The following ZNF385B variants were observed in gnomAD, a reference collection of about 807,000 sequenced individuals.
ZNF385B encodes the protein zinc finger protein 385B.
A neutral mutation model predicts 39.2 loss-of-function variants in ZNF385B; 23 were observed. That is an observed-to-expected ratio of 0.59 (90% CI 0.42 to 0.83). The LOEUF is 0.83. Ranked by LOEUF, ZNF385B falls within the 40% of genes least tolerant of loss-of-function variation. The pLI, the probability that ZNF385B is intolerant of heterozygous loss-of-function variation, is 0.00. For missense variants in ZNF385B, 552 were observed against 598.9 expected (o/e 0.92, Z 0.82); for synonymous variants, 205 against 222.6 (o/e 0.92, Z 0.70).
chr2:179,461,328 G>C (rs1052512057), intron 6 of ZNF385B, among the ~76,000 whole-genome samples: 2 of 152,176 alleles, frequency 1.3e-5, no homozygotes, highest in African/African-American at 4.8e-5. Flanking sequence ...GAGGAGATCA[G>C]TCAAGAAACG....
rs551597802 is a variant in ZNF385B at position 179,618,833 on chromosome 2, A to G, written c.299-73864T>C. Among the ~76,000 whole-genome samples, 453 of 152,280 alleles carry G rather than the reference A, an allele frequency of 3.0e-3. 2 individuals carry two copies. The highest frequency in any genetic ancestry group is 0.01 in the African/African-American group (434 of 41,564). On this transcript the variant is annotated intron_variant, in intron 3 of 9. Coordinates refer to ENST00000410066, the MANE Select transcript of ZNF385B (RefSeq NM_152520.6). Reference sequence around the variant, plus strand: ...AGGTACCTCAAAAGTTCTTGGCTTCAGCAGCCCCCAGATCCTAAGCTTAAA... The same window carrying G: ...AGGTACCTCAAAAGTTCTTGGCTTCGGCAGCCCCCAGATCCTAAGCTTAAA...
In ZNF385B at chr2:179,832,143, T is replaced by C. The variant is rs537140245; in HGVS notation, c.-155+28958A>G. 2.5e-4 allele frequency among the ~76,000 whole-genome samples: 38 copies of C among 152,198 alleles called. 1 individual carries two copies. In the South Asian group the frequency reaches 7.7e-3, roughly 31 times the overall value. ...TGTGTCAGGATTAGGAAGATGAGAGTTGGACAAGTCTGGCCTTTTGCTATA... is the reference window on the plus strand; with the variant it reads ...TGTGTCAGGATTAGGAAGATGAGAGCTGGACAAGTCTGGCCTTTTGCTATA... On this transcript the variant is annotated intron_variant, in intron 1 of 9. Coordinates refer to ENST00000410066, the MANE Select transcript of ZNF385B (RefSeq NM_152520.6).
intron 6 of ZNF385B, among the ~76,000 whole-genome samples, chr2:179,476,290 T>G (rs1431741555): frequency 1.3e-5 from 2 of 152,270 alleles, no homozygotes; most frequent in East Asian, 3.9e-4. Context: ...CCTTTTATAT[T>G]CCAATATCTT....
intron 1 of ZNF385B, among the ~76,000 whole-genome samples, chr2:179,830,407 A>G (rs756380250): frequency 5.9e-5 from 9 of 152,242 alleles, no homozygotes; most frequent in Non-Finnish European, 1.0e-4. Flanking sequence ...ATTTATGTCC[A>G]CACAAAACCC....
At chr2:179,486,546 A>G (rs1213652413) in intron 5 of ZNF385B, among the ~76,000 whole-genome samples, 1 of 152,216 alleles carries the variant, frequency 6.6e-6, no homozygotes, top group Non-Finnish European at 1.5e-5. Flanking sequence ...AGAAATTTCT[A>G]TGAGTAGGAA....
chr2:179,543,890 T>C (rs1233450956), intron 4 of ZNF385B, among the ~76,000 whole-genome samples: 2 of 152,114 alleles, frequency 1.3e-5, no homozygotes, highest in Non-Finnish European at 2.9e-5. Context: ...ATACAGAAGA[T>C]AGGTTTGCAA....
chr2:179,504,273 T>C (rs1054882185), intron 5 of ZNF385B, among the ~76,000 whole-genome samples: 26 of 152,204 alleles, frequency 1.7e-4, no homozygotes, highest in African/African-American at 6.3e-4. Flanking sequence ...ATCCAGTCTA[T>C]CATTGTTGGA....
chr2:179,603,879 C>T (rs1317951448), intron 3 of ZNF385B, among the ~76,000 whole-genome samples: 1 of 152,028 alleles, frequency 6.6e-6, no homozygotes, highest in Non-Finnish European at 1.5e-5. Context: ...AAATTAAATG[C>T]CTCTTTGTAG....
intron 3 of ZNF385B, among the ~76,000 whole-genome samples, chr2:179,695,362 G>A (rs1698659978): frequency 6.6e-6 from 1 of 151,994 alleles, no homozygotes; most frequent in South Asian, 2.1e-4. Context: ...ACTAAACAAT[G>A]TTGTGCCTCA....
At chr2:179,755,265 A>G (rs895182000) in intron 3 of ZNF385B, among the ~76,000 whole-genome samples, 36 of 152,176 alleles carry the variant, frequency 2.4e-4, no homozygotes, top group East Asian at 1.9e-4. Flanking sequence ...TTAATCCTGA[A>G]TTCTAGTTTG....
chr2:179,766,817 AT>A (rs751668142), intron 3 of ZNF385B, among the ~76,000 whole-genome samples: 136 of 152,282 alleles, frequency 8.9e-4, no homozygotes, highest in Non-Finnish European at 1.5e-3. Context: ...AACCCACAAT[AT>A]TCTCTGAAGC....
At chr2:179,702,627 C>T (rs575960291) in intron 3 of ZNF385B, among the ~76,000 whole-genome samples, 18 of 152,166 alleles carry the variant, frequency 1.2e-4, no homozygotes, top group African/African-American at 2.7e-4. Flanking sequence ...GAGACTGGTT[C>T]CTGTAAGATA....
chr2:179,790,139 G>A (rs1230111333), intron 1 of ZNF385B, among the ~76,000 whole-genome samples: 4 of 152,156 alleles, frequency 2.6e-5, no homozygotes, highest in Non-Finnish European at 5.9e-5. Context: ...ACTCCCTGAG[G>A]TGTTGCTAAC....
chr2:179,758,259 A>T (rs1703166856), intron 3 of ZNF385B, among the ~76,000 whole-genome samples: 1 of 152,168 alleles, frequency 6.6e-6, no homozygotes, highest in Non-Finnish European at 1.5e-5. Context: ...TAAATAATAG[A>T]AATTTATTTC....
intron 3 of ZNF385B, among the ~76,000 whole-genome samples, chr2:179,761,756 C>CTTTT (rs1420842226): frequency 9.1e-6 from 1 of 109,588 alleles, no homozygotes. Flanking sequence ...CATTTTTTTT[C>CTTTT]TTTTCTTTTT....
intron 3 of ZNF385B, among the ~76,000 whole-genome samples, chr2:179,712,095 C>A (rs1487620485): frequency 6.6e-6 from 1 of 152,038 alleles, no homozygotes; most frequent in Non-Finnish European, 1.5e-5. Flanking sequence ...TCTAATGATA[C>A]ACTATCTTTG....
At chr2:179,815,686 C>A (rs1413927084) in intron 1 of ZNF385B, among the ~76,000 whole-genome samples, 2 of 152,212 alleles carry the variant, frequency 1.3e-5, no homozygotes, top group African/African-American at 4.8e-5. Flanking sequence ...TTAACCAGGT[C>A]ACTAATGCCC....
chr2:179,733,107 A>T (rs903996071), intron 3 of ZNF385B, among the ~76,000 whole-genome samples: 1 of 152,228 alleles, frequency 6.6e-6, no homozygotes. Flanking sequence ...CAAGTATGGA[A>T]GGTAAACATG....
At chr2:179,446,868 T>C (rs1016244298) in intron 6 of ZNF385B, 98 bp from the exon 7 acceptor site, 9 of 1,452,566 alleles carry the variant, frequency 6.2e-6, no homozygotes, top group Admixed American at 2.4e-5. Context: ...TTGATTCTTA[T>C]GTGAAGTTTT....
Sources: allele counts gnomAD v4.1 joint callset (sites outside exome capture counted in the v4.1 genomes callset), GRCh38; gene constraint gnomAD v4.1.1; transcripts MANE v1.5; gene names NCBI Gene and HGNC (gene_info 2026-07-23, HGNC 2026-07-21).